RNF8: variants seen among roughly 807,000 people sequenced by gnomAD.
RNF8 encodes E3 ubiquitin-protein ligase RNF8.
Under a neutral mutation model 59.3 loss-of-function variants are expected in RNF8, and 8 were observed. That is an observed-to-expected ratio of 0.13 (90% CI 0.08 to 0.24). The LOEUF (loss-of-function observed/expected upper bound fraction) is 0.24. Among genes scored for constraint, RNF8 ranks in the 10% least tolerant of loss-of-function variants. The pLI is 1.00. For missense variants in RNF8, 406 were observed against 572.6 expected (o/e 0.71, Z 2.97); for synonymous variants, 162 against 200.0 (o/e 0.81, Z 1.60).
At chr6:37,358,319 G>A (rs1351265928) in intron 1 of RNF8, among the ~76,000 whole-genome samples, 1 of 151,990 alleles carries the variant, frequency 6.6e-6, no homozygotes, top group Non-Finnish European at 1.5e-5. Context: ...TTGAATGATT[G>A]GACAGTTTTA....
chr6:37,354,300 G>C, intron 1 of RNF8, 25 bp downstream of exon 1: 1 of 1,525,736 alleles, frequency 6.6e-7, no homozygotes, highest in Non-Finnish European at 8.8e-7. Context: ...GTCCTGTGGA[G>C]CGGAGGGCAG....
chr6:37,355,441 A>G (rs570915301), intron 1 of RNF8, among the ~76,000 whole-genome samples: 2 of 152,288 alleles, frequency 1.3e-5, no homozygotes, highest in East Asian at 3.9e-4. Context: ...TACAATGAGG[A>G]CAAATAAAAT....
intron 7 of RNF8, among the ~76,000 whole-genome samples, chr6:37,381,964 T>TTTTG (rs1770284167): frequency 6.6e-6 from 1 of 152,152 alleles, no homozygotes; most frequent in African/African-American, 2.4e-5. Flanking sequence ...GTTTTACCAC[T>TTTTG]TTACTAACAG....
At chr6:37,374,109 G>C (rs1769916975) in intron 4 of RNF8, among the ~76,000 whole-genome samples, 1 of 152,154 alleles carries the variant, frequency 6.6e-6, no homozygotes, top group Non-Finnish European at 1.5e-5. Context: ...AGAACAAATA[G>C]GTTAAAAATC....
At position 37,381,295 on chromosome 6, in the gene RNF8, T is replaced by C. The variant is rs1255807878; in HGVS notation, c.1382T>C (p.Val461Ala). 3 of 1,614,004 alleles carry C rather than the reference T, an allele frequency of 1.9e-6. No individual in the cohort carries two copies. The African/African-American group carries it at 4.0e-5, about 22-fold the overall frequency. The change falls in exon 7 of 8, where the codon GTA becomes GCA. Residue 461 changes from valine (V) to alanine (A), a missense_variant. By Grantham distance (64) the Val-to-Ala change is moderately conservative. Transcript: ENST00000373479. The part of the protein sequence containing the change: ...LVLDNCINKM[V>A]NNLSSEVKER... ...CTGGACAATTGCATTAATAAGATGG[T>C]AAATAATCTGAGCTCAGAAGTGAAA...
Position 37,360,607 on chromosome 6 carries a change from A to G in RNF8, c.240+33A>G. Reference sequence around the variant, plus strand: ...AATTCACAGAAGCCTAATGACTTTTATTTGTTTTTAAATTACTTTTTTTTT... The same window carrying G: ...AATTCACAGAAGCCTAATGACTTTTGTTTGTTTTTAAATTACTTTTTTTTT... On this transcript the variant is annotated intron_variant, in intron 2 of 7. Coordinates refer to ENST00000373479, the MANE Select transcript of RNF8 (RefSeq NM_003958.4). This position sits in a 1 kb window ranked among gnomAD's most constrained non-coding sequence, Gnocchi z 4.2. The G allele has an allele frequency of 1.3e-6, 2 of 1,549,272 alleles. No individual in the cohort carries two copies. Among genetic ancestry groups the G allele is most frequent in the South Asian group, 1.2e-5 (1 of 81,330 alleles).
At chr6:37,356,101 A>G (rs1769106158) in intron 1 of RNF8, among the ~76,000 whole-genome samples, 1 of 152,188 alleles carries the variant, frequency 6.6e-6, no homozygotes, top group Non-Finnish European at 1.5e-5. Context: ...ACCTGAAGAA[A>G]GGGCAAGAAG....
At position 37,354,000 on chromosome 6, in the gene RNF8, T is replaced by G; in HGVS notation, c.-165T>G. 1.5e-6 allele frequency: 1 copy of G among 664,546 alleles called. No individual in the cohort carries two copies. Among genetic ancestry groups the G allele is most frequent in the Non-Finnish European group, 2.6e-6 (1 of 382,306 alleles). The allele number at this position is 664,546 out of a possible 1,614,324, so 41.2% of individuals were successfully genotyped here. ...GCGCAGGCGTAGTGCTCCTGCTTCC[T>G]GGCCGAGGGCGGGCGAGCGGAGCCT... On this transcript the variant is annotated 5_prime_UTR_variant, in exon 1 of 8. Coordinates refer to ENST00000373479, the MANE Select transcript of RNF8 (RefSeq NM_003958.4).
intron 7 of RNF8, among the ~76,000 whole-genome samples, chr6:37,385,855 ATT>A (rs771282241): frequency 1.1e-4 from 13 of 117,100 alleles, no homozygotes; most frequent in Non-Finnish European, 1.9e-4. Flanking sequence ...TTCCTTTGTC[ATT>A]TTTTTTTTTT....
At position 37,368,311 on chromosome 6, in the gene RNF8, A is replaced by G. The variant is rs1024942545; in HGVS notation, c.241-173A>G. 10 of 1,519,420 alleles carry G rather than the reference A, an allele frequency of 6.6e-6. No individual in the cohort carries two copies. The African/African-American group carries it at 1.4e-4, about 21-fold the overall frequency. 94.1% of individuals were successfully genotyped at this position (1,519,420 alleles called of 1,614,324 possible). ...TGAAATATAGGTAAAAAGCCAAAGC[A>G]CTGCTTGACGAATGCTGTTTCTAAG... On this transcript the variant is annotated intron_variant, in intron 2 of 7. Transcript: ENST00000373479.
intron 6 of RNF8, among the ~76,000 whole-genome samples, chr6:37,377,436 A>G (rs1770071015): frequency 6.6e-6 from 1 of 152,104 alleles, no homozygotes; most frequent in Non-Finnish European, 1.5e-5. Flanking sequence ...TGCTTCTACT[A>G]TAGGGGAACA....
chr6:37,361,681 C>T, intron 2 of RNF8: 1 of 292,344 alleles, frequency 3.4e-6, no homozygotes, highest in South Asian at 2.9e-5. Flanking sequence ...GGGAGGGTAT[C>T]CCACAGGTCT....
intron 4 of RNF8, among the ~76,000 whole-genome samples, chr6:37,373,089 C>T (rs577628377): frequency 4.6e-5 from 7 of 152,262 alleles, no homozygotes; most frequent in Admixed American, 1.3e-4. Flanking sequence ...TTTACCAGAC[C>T]ATTATAAAAA....
intron 2 of RNF8, among the ~76,000 whole-genome samples, chr6:37,367,878 T>TATGAACCCACATCTGAGTCC (rs1385096874): frequency 9.2e-5 from 14 of 152,218 alleles, no homozygotes; most frequent in Non-Finnish European, 1.9e-4. Flanking sequence ...CTATGCAGAC[T>TATGAACCCACATCTGAGTCC]ATGAACCCAC....
chr6:37,360,613 T>C lies in RNF8; in HGVS notation c.240+39T>C, dbSNP rs1013546059. On this transcript the variant is annotated intron_variant, in intron 2 of 7. Transcript: ENST00000373479. The surrounding 1 kb of genome is among the most constrained non-coding windows in gnomAD (Gnocchi z 4.2). ...CAGAAGCCTAATGACTTTTATTTGT[T>C]TTTAAATTACTTTTTTTTTTTTTTG... The C allele has an allele frequency of 6.4e-7, 1 of 1,554,464 alleles. No homozygotes were observed. The highest frequency in any genetic ancestry group is 8.7e-7 in the Non-Finnish European group (1 of 1,155,184).
chr6:37,368,651 T>A lies in RNF8; in HGVS notation c.408T>A (p.Leu136=). The A allele has an allele frequency of 6.2e-7, 1 of 1,614,030 alleles. No individual in the cohort carries two copies. Among genetic ancestry groups the A allele is most frequent in the Non-Finnish European group, 8.5e-7 (1 of 1,179,980 alleles). The part of the protein sequence containing the change: ...EEDWETIYPC[L]SPKNDQMIEK... ...ACTGGGAGACAATATATCCTTGTCT[T>A]TCCCCAAAGAATGACCAAATGATAG... is the stretch of plus-strand genomic sequence containing the variant. Residue 136 remains leucine, a synonymous_variant, in exon 3 of 8, where the codon CTT becomes CTA. Coordinates refer to ENST00000373479, the MANE Select transcript of RNF8 (RefSeq NM_003958.4).
In RNF8 at chr6:37,354,018, C is replaced by G. The variant is rs1413187605; in HGVS notation, c.-147C>G. ...TGCTTCCTGGCCGAGGGCGGGCGAG[C>G]GGAGCCTGCTTTCGCAGCGATCGCG... is the stretch of plus-strand genomic sequence containing the variant. On this transcript the variant is annotated 5_prime_UTR_variant, in exon 1 of 8. Transcript: ENST00000373479. 1 of 729,552 alleles carries G rather than the reference C, an allele frequency of 1.4e-6. No individual in the cohort carries two copies. The highest frequency in any genetic ancestry group is 2.3e-6 in the Non-Finnish European group (1 of 433,660). The allele number at this position is 729,552 out of a possible 1,614,324, so 45.2% of individuals were successfully genotyped here.
intron 1 of RNF8, among the ~76,000 whole-genome samples, chr6:37,358,236 C>A (rs1176550140): frequency 6.6e-6 from 1 of 152,092 alleles, no homozygotes; most frequent in Non-Finnish European, 1.5e-5. Flanking sequence ...AGTGTTGGCA[C>A]TATGGTATGA....
chr6:37,378,854 G>A (rs1581690123), intron 6 of RNF8, among the ~76,000 whole-genome samples: 2 of 152,144 alleles, frequency 1.3e-5, no homozygotes, highest in South Asian at 2.1e-4. Flanking sequence ...GACAAGGAAC[G>A]GGGGTTGAAA....
Sources: allele counts gnomAD v4.1 joint callset (sites outside exome capture counted in the v4.1 genomes callset), GRCh38; gene constraint gnomAD v4.1.1; non-coding constraint Gnocchi (gnomAD v3.1); transcripts MANE v1.5; gene names NCBI Gene and HGNC (gene_info 2026-07-23, HGNC 2026-07-21).